TMEM209: variants seen among roughly 807,000 people sequenced by gnomAD.
TMEM209 encodes the protein transmembrane protein 209.
In TMEM209, 65 loss-of-function variants were observed where a neutral mutation model predicts 76.2. The ratio of observed to expected loss-of-function variants is 0.85; its 90% CI spans 0.70 to 1.05. The LOEUF is 1.05. TMEM209 is among the 50% of genes least tolerant of loss of function. TMEM209 has a pLI of 0.00. For missense variants in TMEM209, 623 were observed against 685.5 expected (o/e 0.91, Z 1.02); for synonymous variants, 239 against 237.6 (o/e 1.01, Z -0.06).
chr7:130,191,058 A>C (rs959962358), intron 6 of TMEM209, among the ~76,000 whole-genome samples: 11 of 152,192 alleles, frequency 7.2e-5, no homozygotes, highest in Non-Finnish European at 1.6e-4. Context: ...ATACTTATTA[A>C]TCATTTATTA....
intron 7 of TMEM209, among the ~76,000 whole-genome samples, chr7:130,184,515 T>G: frequency 6.9e-6 from 1 of 145,444 alleles, no homozygotes; most frequent in Admixed American, 7.0e-5. Flanking sequence ...TTTTTTGAGA[T>G]GGAGTCTCTC....
intron 4 of TMEM209, 105 bp downstream of exon 4, chr7:130,202,427 G>A (rs1798244381): frequency 7.0e-7 from 1 of 1,430,924 alleles, no homozygotes; most frequent in South Asian, 1.4e-5. Context: ...GCTTAAGATA[G>A]CTGATGTCCC....
At chr7:130,184,058 T>C in intron 8 of TMEM209, 126 bp downstream of exon 8, 1 of 590,310 alleles carries the variant, frequency 1.7e-6, no homozygotes, top group Non-Finnish European at 2.8e-6. Flanking sequence ...CTTATATATG[T>C]ACCATTCATA....
intron 13 of TMEM209, among the ~76,000 whole-genome samples, chr7:130,171,766 C>T (rs1212903311): frequency 6.6e-6 from 1 of 152,106 alleles, no homozygotes; most frequent in East Asian, 1.9e-4. Context: ...GCAGCTCATG[C>T]CTGTTATCAT....
rs1796845010 is a variant in TMEM209, at chr7:130,165,194, G to A, written c.*1257C>T. On this transcript the variant is annotated 3_prime_UTR_variant, in exon 15 of 15. Transcript: ENST00000397622. ...GATGCACATCTAACACTGATACACG[G>A]TTCTTCAGAAAAGACTAGTTTCAGC... 1 of 152,142 alleles carries A rather than the reference G, an allele frequency of 6.6e-6. No homozygotes were observed. Among genetic ancestry groups the A allele is most frequent in the Admixed American group, 6.5e-5 (1 of 15,274 alleles). 9.4% of individuals were successfully genotyped at this position (152,142 alleles called of 1,614,324 possible).
intron 5 of TMEM209, among the ~76,000 whole-genome samples, chr7:130,193,915 G>A (rs1797882742): frequency 6.6e-6 from 1 of 151,882 alleles, no homozygotes; most frequent in African/African-American, 2.4e-5. Flanking sequence ...AAACCACTGT[G>A]AGGCCGGGTG....
Position 130,203,889 on chromosome 7 carries a change from C to T in TMEM209, c.141-43G>A, listed in dbSNP as rs1382852328. The stretch of plus-strand genomic sequence containing the variant: ...AGGCTTTCCAGTGAACCTAAAAACA[C>T]CAAAAATCAAAAACAAACACAAAAA... On this transcript the variant is annotated intron_variant, in intron 2 of 14. Transcript: ENST00000397622. 14 of 1,589,748 alleles carry T rather than the reference C, an allele frequency of 8.8e-6. No homozygotes were observed. In the African/African-American group the frequency reaches 1.4e-4, roughly 15 times the overall value.
chr7:130,169,720 T>C (rs1202678859), intron 14 of TMEM209, among the ~76,000 whole-genome samples: 1 of 151,758 alleles, frequency 6.6e-6, no homozygotes, highest in Admixed American at 6.6e-5. Context: ...CAATCCCTTC[T>C]GCTCCAAGCC....
Position 130,194,251 on chromosome 7 carries a change from G to C in TMEM209, c.574-1428C>G, listed in dbSNP as rs530925511. 1.3e-4 allele frequency among the ~76,000 whole-genome samples: 20 copies of C among 150,868 alleles called. No individual in the cohort carries two copies. In the South Asian group the frequency reaches 4.0e-3, roughly 30 times the overall value. The stretch of plus-strand genomic sequence containing the variant: ...GTGAGGGGGTATACTGATCATGGGG[G>C]AGGCTATGCATGTTAGGACAGGGGA... On this transcript the variant is annotated intron_variant, in intron 5 of 14. Transcript: ENST00000397622.
rs1439182595 is a variant in TMEM209 at position 130,165,292 on chromosome 7, G to C, written c.*1159C>G. On this transcript the variant is annotated 3_prime_UTR_variant, in exon 15 of 15. Coordinates refer to ENST00000397622, the MANE Select transcript of TMEM209 (RefSeq NM_032842.4). ...ATCAAGAAAATATATGCAATTGCCA[G>C]CTACTACATATACAGAAAATAAAGA... 6.6e-6 allele frequency: 1 copy of C among 152,112 alleles called. No individual in the cohort carries two copies. Among genetic ancestry groups the C allele is most frequent in the Non-Finnish European group, 1.5e-5 (1 of 68,026 alleles). The allele number at this position is 152,112 out of a possible 1,614,324, so 9.4% of individuals were successfully genotyped here. A position where few individuals can be genotyped will look rare whatever the true frequency, so the allele number is the denominator to read the frequency against.
At chr7:130,198,467 TG>T (rs1798070196) in intron 5 of TMEM209, among the ~76,000 whole-genome samples, 1 of 151,974 alleles carries the variant, frequency 6.6e-6, no homozygotes, top group Admixed American at 6.6e-5. Context: ...AAAAATTAGC[TG>T]GGCATGCTGG....
intron 6 of TMEM209, among the ~76,000 whole-genome samples, chr7:130,189,502 T>G (rs538946282): frequency 1.2e-4 from 18 of 152,214 alleles, no homozygotes; most frequent in Admixed American, 1.0e-3. Flanking sequence ...CAGCCCATAT[T>G]GTAGTTATAA....
At chr7:130,173,573 A>C in intron 13 of TMEM209, 59 bp downstream of exon 13, 2 of 1,302,270 alleles carry the variant, frequency 1.5e-6, no homozygotes, top group Non-Finnish European at 2.1e-6. Flanking sequence ...TTTTAAAAAC[A>C]TCATCCAAGC....
At position 130,178,522 on chromosome 7, in the gene TMEM209, T is replaced by C. The variant is rs1797314419; in HGVS notation, c.1126A>G (p.Ser376Gly). ...GCAGCTTGTTTCAAGCTAGTAATAC[T>C]AGCCTCTGTTAACATAAAACACAGA... is the stretch of plus-strand genomic sequence containing the variant. ...GCPELQIGEA[S>G]ITSLKQAALV... The change falls in exon 10 of 15, where the codon AGT becomes GGT. Residue 376 changes from serine to glycine, a missense_variant. By Grantham distance (56) the Ser-to-Gly change is moderately conservative (BLOSUM62 0). Transcript: ENST00000397622. 3 of 1,612,876 alleles carry C rather than the reference T, an allele frequency of 1.9e-6. No individual in the cohort carries two copies. The highest frequency in any genetic ancestry group is 1.1e-5 in the South Asian group (1 of 90,982).
rs1464743185 is a variant in TMEM209, at chr7:130,165,910, T to C, written c.*541A>G. 1 of 151,908 alleles carries C rather than the reference T, an allele frequency of 6.6e-6. No individual in the cohort carries two copies. Among genetic ancestry groups the C allele is most frequent in the Non-Finnish European group, 1.5e-5 (1 of 68,024 alleles). 9.4% of individuals were successfully genotyped at this position (151,908 alleles called of 1,614,324 possible). On this transcript the variant is annotated 3_prime_UTR_variant, in exon 15 of 15. Transcript: ENST00000397622. Reference sequence around the variant, plus strand: ...CTGTCTCTACTAAAAATACAAAAATTAGCTGGGCGTGGTGGTGCATGCCTG... The same window carrying C: ...CTGTCTCTACTAAAAATACAAAAATCAGCTGGGCGTGGTGGTGCATGCCTG...
In TMEM209 at chr7:130,165,287, T is replaced by C. The variant is rs1280011594; in HGVS notation, c.*1164A>G. On this transcript the variant is annotated 3_prime_UTR_variant, in exon 15 of 15. Transcript: ENST00000397622. ...TGTTAATCAAGAAAATATATGCAAT[T>C]GCCAGCTACTACATATACAGAAAAT... is the stretch of plus-strand genomic sequence containing the variant. 4.6e-5 allele frequency: 7 copies of C among 152,166 alleles called. No individual in the cohort carries two copies. The highest frequency in any genetic ancestry group is 4.6e-4 in the Admixed American group (7 of 15,270). The allele number at this position is 152,166 out of a possible 1,614,324, so 9.4% of individuals were successfully genotyped here.
chr7:130,173,309 T>C (rs1029520767), intron 13 of TMEM209, among the ~76,000 whole-genome samples: 2 of 151,980 alleles, frequency 1.3e-5, no homozygotes, highest in African/African-American at 4.8e-5. Flanking sequence ...GCCACTACAC[T>C]CCAGCCTGGG....
At position 130,185,377 on chromosome 7, in the gene TMEM209, T is replaced by G; in HGVS notation, c.776-10A>C. The G allele has an allele frequency of 6.2e-7, 1 of 1,612,168 alleles. No homozygotes were observed. ...GTAGAATCTGGGCTCCCTACAATTG[T>G]TAAGATAAACAGTATCAGTGTGTTG... is the stretch of plus-strand genomic sequence containing the variant. On this transcript the variant is annotated splice_polypyrimidine_tract_variant and intron_variant, in intron 6 of 14. Transcript: ENST00000397622.
At chr7:130,199,353 G>A (rs910294201) in intron 5 of TMEM209, among the ~76,000 whole-genome samples, 5 of 151,952 alleles carry the variant, frequency 3.3e-5, no homozygotes, top group African/African-American at 4.8e-5. Flanking sequence ...GAGTAGCTGC[G>A]ACTACAGGCG....
Sources: gnomAD v4.1 joint callset for allele counts (sites outside exome capture counted in the v4.1 genomes callset) on GRCh38, gnomAD v4.1.1 for gene constraint, MANE v1.5 for transcripts, NCBI Gene and HGNC (gene_info 2026-07-23, HGNC 2026-07-21) for gene names.